Variants in HEATR5B observed in about 807,000 individuals in gnomAD.
The protein encoded by HEATR5B is HEAT repeat-containing protein 5B.
HEATR5B carries 156 observed loss-of-function variants against 224.1 expected under a neutral mutation model. The ratio of observed to expected loss-of-function variants is 0.70; its 90% CI spans 0.61 to 0.80. HEATR5B has a LOEUF of 0.80. Ranked by LOEUF, HEATR5B falls within the 30% of genes least tolerant of loss-of-function variation. HEATR5B has a pLI of 0.00. For synonymous variants in HEATR5B, 1,027 were observed against 893.0 expected (o/e 1.15, Z -2.68); for missense variants, 2,323 against 2,535.5 (o/e 0.92, Z 1.80).
chr2:37,053,201 C>G (rs1175051040), intron 17 of HEATR5B, among the ~76,000 whole-genome samples: 1 of 152,202 alleles, frequency 6.6e-6, no homozygotes, highest in African/African-American at 2.4e-5. Flanking sequence ...TTTAGTTAAC[C>G]TTCAGTAGAA....
At chr2:36,997,721 C>A (rs1473131177) in intron 33 of HEATR5B, among the ~76,000 whole-genome samples, 1 of 152,144 alleles carries the variant, frequency 6.6e-6, no homozygotes, top group Non-Finnish European at 1.5e-5. Context: ...CGCCCGCCAC[C>A]ACGCCCAGCT....
In HEATR5B at chr2:37,029,832, G is replaced by A. The variant is rs1038656481; in HGVS notation, c.3362-912C>T. Among the ~76,000 whole-genome samples, 4 of 151,488 alleles carry A rather than the reference G, an allele frequency of 2.6e-5. No individual in the cohort carries two copies. In the East Asian group the frequency reaches 5.8e-4, roughly 22 times the overall value. On this transcript the variant is annotated intron_variant, in intron 22 of 35. Coordinates refer to ENST00000233099, the MANE Select transcript of HEATR5B (RefSeq NM_019024.3). ...CAGGTGCCTGTAATTCGAGCCACTC[G>A]GGAGGCTGAGGCAGGAGAATGGCTT...
In HEATR5B at chr2:36,981,551, C is replaced by G. The variant is rs1405600554; in HGVS notation, c.6155G>C (p.Arg2052Thr). The G allele has an allele frequency of 6.2e-7, 1 of 1,614,114 alleles. No homozygotes were observed. The highest frequency in any genetic ancestry group is 1.1e-5 in the South Asian group (1 of 91,076). Residue 2052 changes from arginine to threonine, a missense_variant, in exon 36 of 36, where the codon AGA (arginine) becomes ACA (threonine). Around this residue, in one of 12 missense-constraint regions of HEATR5B, gnomAD observed 844 missense variants for 812.9 expected, o/e 1.04. Coordinates refer to ENST00000233099, the MANE Select transcript of HEATR5B (RefSeq NM_019024.3). ...AGAATGTATGGCGGGGGCTGGTTGT[C>G]TGGCAGCCGCTTTAGCTTTGCTCGC... is the stretch of plus-strand genomic sequence containing the variant. ...SQASKAKAAA[R>T]QPAPAIHSAP... is the part of the protein sequence containing the mutation.
In HEATR5B at chr2:37,057,452, C is replaced by G. The variant is rs753357339; in HGVS notation, c.2088G>C (p.Leu696=). 25 of 1,609,360 alleles carry G rather than the reference C, an allele frequency of 1.6e-5. No homozygotes were observed. In the East Asian group the frequency reaches 4.9e-4, roughly 32 times the overall value. Residue 696 remains leucine, a synonymous_variant, in exon 15 of 36, where the codon CTG becomes CTC. Transcript: ENST00000233099. ...EGSFNALLRE[L]VAEFTLTDNS... is the part of the protein sequence containing the mutation. Reference sequence around the variant, plus strand: ...TGTCAGTCAAAGTGAATTCCGCTACCAGTTCTCTAAGAAGTGCATTAAAAG... The same window carrying G: ...TGTCAGTCAAAGTGAATTCCGCTACGAGTTCTCTAAGAAGTGCATTAAAAG...
intron 10 of HEATR5B, among the ~76,000 whole-genome samples, chr2:37,062,546 T>C (rs1008367491): frequency 2.0e-5 from 3 of 152,210 alleles, no homozygotes; most frequent in Non-Finnish European, 2.9e-5. Flanking sequence ...AACAGTGTAG[T>C]AGTTAAGGAC....
intron 24 of HEATR5B, 88 bp from the exon 25 acceptor site, chr2:37,020,924 T>TA: frequency 1.3e-6 from 1 of 758,168 alleles, no homozygotes; most frequent in Non-Finnish European, 2.0e-6. Flanking sequence ...AAATTTTTGA[T>TA]AAAAAACACA....
intron 24 of HEATR5B, among the ~76,000 whole-genome samples, chr2:37,021,577 C>A: frequency 6.6e-6 from 1 of 152,056 alleles, no homozygotes; most frequent in South Asian, 2.1e-4. Flanking sequence ...TCCCCCTTTT[C>A]ACATGTAAAA....
At chr2:37,006,833 G>A (rs1433612153) in intron 29 of HEATR5B, among the ~76,000 whole-genome samples, 3 of 152,130 alleles carry the variant, frequency 2.0e-5, no homozygotes, top group Non-Finnish European at 2.9e-5. Flanking sequence ...ATTGCTGTGT[G>A]AATGAGCATG....
At position 37,057,381 on chromosome 2, in the gene HEATR5B, T is replaced by C. The variant is rs1414601681; in HGVS notation, c.2159A>G (p.Tyr720Cys). ...TTSLLRSLCH[Y>C]DDSVLLGSWL... ...AGAACCAAGAAGAACACTATCATCATAATGGCAGAGGGATCTGAGGAGGGA... is the reference window on the plus strand; with the variant it reads ...AGAACCAAGAAGAACACTATCATCACAATGGCAGAGGGATCTGAGGAGGGA... The change falls in exon 15 of 36, where the codon TAT becomes TGT. Residue 720 changes from tyrosine (Y) to cysteine (C), a missense_variant. By Grantham distance (194) the Tyr-to-Cys change is radical (BLOSUM62 -2). Transcript: ENST00000233099. 1 of 1,612,740 alleles carries C rather than the reference T, an allele frequency of 6.2e-7. No individual in the cohort carries two copies. Among genetic ancestry groups the C allele is most frequent in the South Asian group, 1.1e-5 (1 of 90,786 alleles).
intron 18 of HEATR5B, among the ~76,000 whole-genome samples, chr2:37,045,602 T>C (rs942182393): frequency 9.9e-5 from 15 of 152,228 alleles, no homozygotes; most frequent in Non-Finnish European, 2.1e-4. Flanking sequence ...TCTTGGGTAG[T>C]TTCCTTGTAT....
intron 33 of HEATR5B, among the ~76,000 whole-genome samples, chr2:36,991,501 A>G (rs1186081195): frequency 6.6e-6 from 1 of 152,010 alleles, no homozygotes; most frequent in African/African-American, 2.4e-5. Context: ...GTCTCAAAAA[A>G]AAAAAAAAAA....
In HEATR5B at chr2:37,040,326, T is replaced by C. The variant is rs1225673080; in HGVS notation, c.3046+3A>G. ...GTTCCTTAATTTCAGATGATTTACTTACCTTGTAGTTCAGGGCCAACAGTA... is the reference window on the plus strand; with the variant it reads ...GTTCCTTAATTTCAGATGATTTACTCACCTTGTAGTTCAGGGCCAACAGTA... On this transcript the variant is annotated splice_donor_region_variant and intron_variant, in intron 20 of 35. Transcript: ENST00000233099. 8.1e-6 allele frequency: 13 copies of C among 1,607,362 alleles called. No individual in the cohort carries two copies. The Admixed American group carries it at 2.2e-4, about 27-fold the overall frequency.
At chr2:36,990,573 T>C (rs777513803) in intron 34 of HEATR5B, 75 bp downstream of exon 34, 1 of 1,315,024 alleles carries the variant, frequency 7.6e-7, no homozygotes, top group Non-Finnish European at 1.0e-6. Context: ...GTATCACATA[T>C]TTTAATGAAT....
Position 37,072,075 on chromosome 2 carries a change from C to A in HEATR5B, c.769+35G>T, listed in dbSNP as rs566083759. On this transcript the variant is annotated intron_variant, in intron 6 of 35. Transcript: ENST00000233099. ...GCCTATATGCAATAACTAATTAGGT[C>A]TGTTATGGTCTAAATCAAGGGCAAA... 3.2e-5 allele frequency: 49 copies of A among 1,544,850 alleles called. No homozygotes were observed. In the African/African-American group the frequency reaches 3.3e-4, roughly 10 times the overall value.
At chr2:37,063,938 A>G (rs1187750510) in intron 10 of HEATR5B, among the ~76,000 whole-genome samples, 1 of 152,072 alleles carries the variant, frequency 6.6e-6, no homozygotes, top group Non-Finnish European at 1.5e-5. Context: ...CAGCCTCCCA[A>G]GTAGCTGGGA....
At chr2:37,063,326 G>C (rs930660493) in intron 10 of HEATR5B, among the ~76,000 whole-genome samples, 9 of 152,104 alleles carry the variant, frequency 5.9e-5, no homozygotes, top group South Asian at 2.1e-4. Context: ...CAAAGGCTTC[G>C]AAGCTGAAAA....
At chr2:37,040,766 C>T (rs1046153144) in intron 19 of HEATR5B, among the ~76,000 whole-genome samples, 14 of 151,708 alleles carry the variant, frequency 9.2e-5, no homozygotes, top group African/African-American at 3.2e-4. Flanking sequence ...CAAGAAGATT[C>T]AGCCAATGAC....
intron 4 of HEATR5B, 54 bp downstream of exon 4, chr2:37,076,857 C>T (rs1390341763): frequency 3.1e-6 from 4 of 1,305,324 alleles, no homozygotes; most frequent in Non-Finnish European, 4.4e-6. Flanking sequence ...TTTTAGCTGA[C>T]ATCTAACTCT....
At chr2:36,991,625 A>C in intron 33 of HEATR5B, among the ~76,000 whole-genome samples, 1 of 106,298 alleles carries the variant, frequency 9.4e-6, no homozygotes, top group Admixed American at 8.8e-5. Flanking sequence ...GTAATTAGAA[A>C]TAACTAGAAA....
Sources: gnomAD v4.1 joint callset for allele counts (sites outside exome capture counted in the v4.1 genomes callset) on GRCh38, gnomAD v4.1.1 for gene constraint, gnomAD v4.1.1 regional missense constraint, MANE v1.5 for transcripts, NCBI Gene and HGNC (gene_info 2026-07-23, HGNC 2026-07-21) for gene names.